Variants in ZC3HAV1 observed in about 807,000 individuals in gnomAD.
ZC3HAV1 encodes the protein zinc finger CCCH-type antiviral protein 1.
ZC3HAV1 carries 41 observed loss-of-function variants against 86.6 expected under a neutral mutation model. The observed-to-expected ratio is 0.47, with a 90% CI of 0.37 to 0.61. The LOEUF is 0.61. ZC3HAV1 is among the 20% of genes least tolerant of loss of function. ZC3HAV1 has a pLI of 0.00. For synonymous variants in ZC3HAV1, 421 were observed against 432.1 expected (o/e 0.97, Z 0.32); for missense variants, 964 against 1,141.1 (o/e 0.84, Z 2.24).
intron 9 of ZC3HAV1, among the ~76,000 whole-genome samples, chr7:139,059,097 T>C (rs1816373899): frequency 6.6e-6 from 1 of 152,194 alleles, no homozygotes. Flanking sequence ...TTGTAACGAT[T>C]GTAACGAATG....
chr7:139,104,768 T>C (rs1260305712), intron 1 of ZC3HAV1, among the ~76,000 whole-genome samples: 1 of 133,438 alleles, frequency 7.5e-6, no homozygotes, highest in Non-Finnish European at 1.6e-5. Context: ...CCGGGAGCGG[T>C]GGCTCATGCC....
At position 139,054,151 on chromosome 7, in the gene ZC3HAV1, C is replaced by T. The variant is rs968459037; in HGVS notation, c.2188-56G>A. The T allele has an allele frequency of 4.0e-6, 6 of 1,487,980 alleles. No individual in the cohort carries two copies. In the African/African-American group the frequency reaches 5.8e-5, roughly 14 times the overall value. The allele number at this position is 1,487,980 out of a possible 1,614,324, so 92.2% of individuals were successfully genotyped here. On this transcript the variant is annotated intron_variant, in intron 10 of 12. Transcript: ENST00000242351. ...AATAGGAAACATTTAAAGCATGATA[C>T]ATCCACATATGTGCCCCCTTATGCC... is the stretch of plus-strand genomic sequence containing the variant.
rs748341112 is a variant in ZC3HAV1, at chr7:139,109,365, G to A, written c.-34C>T. Reference sequence around the variant, plus strand: ...GGCTGTGCTGGCTCTGCCGCGGCGCGGGACTCGGTTCCGCGGAAATCGGAA... The same window carrying A: ...GGCTGTGCTGGCTCTGCCGCGGCGCAGGACTCGGTTCCGCGGAAATCGGAA... On this transcript the variant is annotated 5_prime_UTR_variant, in exon 1 of 13. Transcript: ENST00000242351. The A allele has an allele frequency of 5.9e-6, 9 of 1,526,570 alleles. No homozygotes were observed. The highest frequency in any genetic ancestry group is 7.9e-6 in the Non-Finnish European group (9 of 1,138,646). 94.6% of individuals were successfully genotyped at this position (1,526,570 alleles called of 1,614,324 possible).
In ZC3HAV1 at chr7:139,079,796, G is replaced by A; in HGVS notation, c.1145C>T (p.Pro382Leu). The A allele has an allele frequency of 6.2e-7, 1 of 1,614,168 alleles. No homozygotes were observed. The highest frequency in any genetic ancestry group is 1.1e-5 in the South Asian group (1 of 91,082). Reference sequence around the variant, plus strand: ...AGAGCCAAGAGAAGAGCGGGCGGCAGGTAGCGTGGGAGAAAACACAGTCTT... The same window carrying A: ...AGAGCCAAGAGAAGAGCGGGCGGCAAGTAGCGTGGGAGAAAACACAGTCTT... ...RRKTVFSPTLPAARSSLGSLQ... is the reference protein window; with the variant it reads ...RRKTVFSPTLLAARSSLGSLQ... Residue 382 changes from proline to leucine, a missense_variant, in exon 4 of 13, where the codon CCT becomes CTT. Coordinates refer to ENST00000242351, the MANE Select transcript of ZC3HAV1 (RefSeq NM_020119.4).
In ZC3HAV1 at chr7:139,073,954, G is replaced by A; in HGVS notation, c.1774C>T (p.Pro592Ser). 6.2e-7 allele frequency: 1 copy of A among 1,614,060 alleles called. No individual in the cohort carries two copies. Among genetic ancestry groups the A allele is most frequent in the African/African-American group, 1.3e-5 (1 of 75,056 alleles). Residue 592 changes from proline to serine, a missense_variant, in exon 7 of 13, where the codon CCT becomes TCT. Transcript: ENST00000242351. ...TTGGCTGGCTTGGTGACAGAAGAAG[G>A]AGTGGAGAGGCGTCGGATGGGAAAG... is the stretch of plus-strand genomic sequence containing the variant. ...DSFPIRRLST[P>S]SSVTKPANSV...
chr7:139,073,070 C>A (rs576676267), intron 7 of ZC3HAV1, among the ~76,000 whole-genome samples: 1 of 152,008 alleles, frequency 6.6e-6, no homozygotes, highest in Non-Finnish European at 1.5e-5. Flanking sequence ...CCGAGGTGGG[C>A]GGATAACCTG....
At chr7:139,102,162 C>T (rs150759370) in intron 1 of ZC3HAV1, among the ~76,000 whole-genome samples, 332 of 152,282 alleles carry the variant, frequency 2.2e-3, no homozygotes, top group Non-Finnish European at 3.9e-3. Context: ...GAGGCAGGGT[C>T]TCATTCTATT....
chr7:139,081,644 A>G (rs1817131381), intron 3 of ZC3HAV1, among the ~76,000 whole-genome samples: 1 of 152,194 alleles, frequency 6.6e-6, no homozygotes, highest in African/African-American at 2.4e-5. Context: ...TTCTTCTAAA[A>G]ATGAGCTGAG....
intron 2 of ZC3HAV1, among the ~76,000 whole-genome samples, chr7:139,087,019 C>T (rs1006814063): frequency 3.3e-5 from 5 of 152,160 alleles, no homozygotes; most frequent in African/African-American, 9.7e-5. Flanking sequence ...AGGAACTCAA[C>T]GTAGATGTGT....
intron 2 of ZC3HAV1, 23 bp from the exon 3 acceptor site, chr7:139,084,055 C>A (rs1308484990): frequency 6.2e-6 from 10 of 1,604,398 alleles, no homozygotes; most frequent in Non-Finnish European, 7.7e-6. Flanking sequence ...GAAACAACAG[C>A]CAGAGTCAAA....
chr7:139,097,410 A>AT (rs1563140546), intron 1 of ZC3HAV1, among the ~76,000 whole-genome samples: 42 of 73,118 alleles, frequency 5.7e-4, no homozygotes, highest in Non-Finnish European at 8.5e-4. Context: ...CCATATATAT[A>AT]TATATATATA....
rs1818014355 is a variant in ZC3HAV1 at position 139,108,806 on chromosome 7, G to A, written c.308+218C>T. 6.6e-6 allele frequency among the ~76,000 whole-genome samples: 1 copy of A among 152,244 alleles called. No individual in the cohort carries two copies. The highest frequency in any genetic ancestry group is 6.5e-5 in the Admixed American group (1 of 15,290). On this transcript the variant is annotated intron_variant, in intron 1 of 12. Coordinates refer to ENST00000242351, the MANE Select transcript of ZC3HAV1 (RefSeq NM_020119.4). This position sits in a 1 kb window ranked among gnomAD's most constrained non-coding sequence, Gnocchi z 4.2. ...GCACTAGCATTTTAGCCATTCTCGA[G>A]AAAATGTCTGGAGGTGCCGGAAGGA...
intron 8 of ZC3HAV1, 103 bp downstream of exon 8, chr7:139,064,776 T>C: frequency 6.4e-7 from 1 of 1,569,840 alleles, no homozygotes. Flanking sequence ...ATCTTGACCT[T>C]GACCCTGGCC....
At chr7:139,102,843 C>A (rs1169948871) in intron 1 of ZC3HAV1, among the ~76,000 whole-genome samples, 1 of 150,604 alleles carries the variant, frequency 6.6e-6, no homozygotes, top group Non-Finnish European at 1.5e-5. Context: ...TCGTTTGAAT[C>A]CAGGAGGTGG....
At chr7:139,062,677 G>A (rs959988224) in intron 8 of ZC3HAV1, among the ~76,000 whole-genome samples, 2 of 152,182 alleles carry the variant, frequency 1.3e-5, no homozygotes, top group African/African-American at 4.8e-5. Flanking sequence ...CCAGTACACA[G>A]CTGGCACTCA....
chr7:139,085,287 T>C lies in ZC3HAV1; in HGVS notation c.445-1255A>G, dbSNP rs567100828. ...AATGATGTTTTGGTAACATTCCTAT[T>C]CCCACGCCGATATTAAGCAAGAATG... On this transcript the variant is annotated intron_variant, in intron 2 of 12. Coordinates refer to ENST00000242351, the MANE Select transcript of ZC3HAV1 (RefSeq NM_020119.4). Among the ~76,000 whole-genome samples, 36 of 152,220 alleles carry C rather than the reference T, an allele frequency of 2.4e-4. 1 individual carries two copies. The highest frequency in any genetic ancestry group is 4.3e-4 in the Non-Finnish European group (29 of 68,034).
At chr7:139,101,259 C>T (rs1391060934) in intron 1 of ZC3HAV1, among the ~76,000 whole-genome samples, 2 of 151,440 alleles carry the variant, frequency 1.3e-5, no homozygotes, top group Non-Finnish European at 2.9e-5. Context: ...TCTGCCCTGC[C>T]GCCACCCCGT....
In ZC3HAV1 at chr7:139,109,358, G is replaced by T; in HGVS notation, c.-27C>A. ...GCGCGCTGGCTGTGCTGGCTCTGCCGCGGCGCGGGACTCGGTTCCGCGGAA... is the reference window on the plus strand; with the variant it reads ...GCGCGCTGGCTGTGCTGGCTCTGCCTCGGCGCGGGACTCGGTTCCGCGGAA... On this transcript the variant is annotated 5_prime_UTR_variant, in exon 1 of 13. Coordinates refer to ENST00000242351, the MANE Select transcript of ZC3HAV1 (RefSeq NM_020119.4). 6.5e-7 allele frequency: 1 copy of T among 1,538,718 alleles called. No individual in the cohort carries two copies.
chr7:139,109,018 A>G lies in ZC3HAV1; in HGVS notation c.308+6T>C, dbSNP rs377131560. The G allele has an allele frequency of 6.5e-7, 1 of 1,546,740 alleles. No homozygotes were observed. The highest frequency in any genetic ancestry group is 8.8e-7 in the Non-Finnish European group (1 of 1,140,126). Reference sequence around the variant, plus strand: ...GGACAGCGCCCCTCCCTCCGGGTGCACTCACCGCTCGGACTGCGAATAGTT... The same window carrying G: ...GGACAGCGCCCCTCCCTCCGGGTGCGCTCACCGCTCGGACTGCGAATAGTT... On this transcript the variant is annotated splice_donor_region_variant and intron_variant, in intron 1 of 12. Coordinates refer to ENST00000242351, the MANE Select transcript of ZC3HAV1 (RefSeq NM_020119.4).
Sources: allele counts gnomAD v4.1 joint callset (sites outside exome capture counted in the v4.1 genomes callset), GRCh38; gene constraint gnomAD v4.1.1; non-coding constraint Gnocchi (gnomAD v3.1); transcripts MANE v1.5; gene names NCBI Gene and HGNC (gene_info 2026-07-23, HGNC 2026-07-21).